LDLRAP1: variants seen among roughly 807,000 people sequenced by gnomAD.
LDLRAP1 encodes low density lipoprotein receptor adapter protein 1.
LDLRAP1 carries 30 observed loss-of-function variants against 37.8 expected under a neutral mutation model. That is an observed-to-expected ratio of 0.79 (90% CI 0.59 to 1.08). The LOEUF is 1.08. Ranked by LOEUF, LDLRAP1 falls within the 50% of genes least tolerant of loss-of-function variation. The pLI is 0.00. For synonymous variants in LDLRAP1, 156 were observed against 169.8 expected (o/e 0.92, Z 0.63); for missense variants, 375 against 401.6 (o/e 0.93, Z 0.57).
Position 25,555,408 on chromosome 1 carries a change from G to C in LDLRAP1, c.344+436G>C, listed in dbSNP as rs2044175257. On this transcript the variant is annotated intron_variant, in intron 3 of 8. Coordinates refer to ENST00000374338, the MANE Select transcript of LDLRAP1 (RefSeq NM_015627.3). This position sits in a 1 kb window ranked among gnomAD's most constrained non-coding sequence, Gnocchi z 4.7. ...AGCCAAGGTCTGAAGTCAGAGTATA[G>C]ATGGTCTCTCTAGTGGGTCCTCTGG... Among the ~76,000 whole-genome samples the C allele has an allele frequency of 6.6e-6, 1 of 152,170 alleles. No homozygotes were observed. The highest frequency in any genetic ancestry group is 2.4e-5 in the African/African-American group (1 of 41,428).
At chr1:25,543,854 C>G in intron 1 of LDLRAP1, 68 bp downstream of exon 1, 2 of 1,062,170 alleles carry the variant, frequency 1.9e-6, no homozygotes, top group Non-Finnish European at 2.4e-6. Context: ...TCCGCGGGCG[C>G]CCGGAGTGCG....
intron 1 of LDLRAP1, among the ~76,000 whole-genome samples, chr1:25,552,555 A>G (rs2044095638): frequency 6.6e-6 from 1 of 152,306 alleles, no homozygotes; most frequent in East Asian, 1.9e-4. Context: ...AGTCATAACA[A>G]ACACCTCCTA....
At chr1:25,582,471 G>A in the LDLRAP1 span, among the ~76,000 whole-genome samples, 1 of 151,846 alleles carries the variant, frequency 6.6e-6, no homozygotes, top group Non-Finnish European at 1.5e-5. Flanking sequence ...TGTAGTCCCA[G>A]CTACTCAGGA....
intron 8 of LDLRAP1, among the ~76,000 whole-genome samples, chr1:25,565,903 C>T (rs1378163962): frequency 2.6e-5 from 4 of 152,116 alleles, no homozygotes; most frequent in Admixed American, 6.5e-5. Flanking sequence ...TTGGAGTCAG[C>T]GATTTTTGGT....
intron 1 of LDLRAP1, among the ~76,000 whole-genome samples, chr1:25,550,883 C>T (rs1367495939): frequency 1.3e-5 from 2 of 152,098 alleles, no homozygotes; most frequent in Non-Finnish European, 2.9e-5. Flanking sequence ...AATGTTTTGA[C>T]AGCAGAGAGA....
rs1226723050 is a variant in LDLRAP1 at position 25,544,502 on chromosome 1, C to T, written c.88+716C>T. On this transcript the variant is annotated intron_variant, in intron 1 of 8. Transcript: ENST00000374338. The surrounding 1 kb of genome is among the most constrained non-coding windows in gnomAD (Gnocchi z 4.8). ...ACCTGTTTTCTCTCGCACCTTTCCC[C>T]TCGGGCTTCCAGAGTCCCTTGGGTG... 1.3e-5 allele frequency among the ~76,000 whole-genome samples: 2 copies of T among 152,202 alleles called. No homozygotes were observed. Among genetic ancestry groups the T allele is most frequent in the Non-Finnish European group, 2.9e-5 (2 of 68,032 alleles).
At position 25,557,165 on chromosome 1, in the gene LDLRAP1, C is replaced by T. The variant is rs1424003886; in HGVS notation, c.357C>T (p.Cys119=). ...ENVSIYRISY[C]TADKMHDKVF... ...CCTTGCCTTTCAGGATCTCCTATTG[C>T]ACAGCAGACAAGATGCACGACAAGG... is the stretch of plus-strand genomic sequence containing the variant. The change falls in exon 4 of 9, where the codon TGC becomes TGT. Residue 119 remains cysteine, a synonymous_variant. Transcript: ENST00000374338. The T allele has an allele frequency of 1.2e-6, 2 of 1,613,954 alleles. No individual in the cohort carries two copies. Among genetic ancestry groups the T allele is most frequent in the South Asian group, 1.1e-5 (1 of 91,076 alleles).
At chr1:25,586,295 A>G in the LDLRAP1 span, among the ~76,000 whole-genome samples, 1 of 152,096 alleles carries the variant, frequency 6.6e-6, no homozygotes. The surrounding 1 kb of genome is among the most constrained non-coding windows in gnomAD (Gnocchi z 4.3). Flanking sequence ...GGCTCTCATG[A>G]TAGGCTGGCT....
At chr1:25,585,838 T>C in the LDLRAP1 span, among the ~76,000 whole-genome samples, 7 of 152,192 alleles carry the variant, frequency 4.6e-5, no homozygotes, top group Admixed American at 3.9e-4. Context: ...GGAGGCCTGA[T>C]TGGCAAGAGA....
rs2044054782 is a variant in LDLRAP1 at position 25,550,797 on chromosome 1, G to C, written c.89-3125G>C. ...ACCAGTCTGTAAGGACGTGGTTAGA[G>C]GAGGGGAAGGGTCAGGCCAGGGAAG... On this transcript the variant is annotated intron_variant, in intron 1 of 8. Coordinates refer to ENST00000374338, the MANE Select transcript of LDLRAP1 (RefSeq NM_015627.3). Among the ~76,000 whole-genome samples the C allele has an allele frequency of 2.0e-5, 3 of 152,208 alleles. No individual in the cohort carries two copies. In the South Asian group the frequency reaches 6.2e-4, roughly 32 times the overall value.
the LDLRAP1 span, among the ~76,000 whole-genome samples, chr1:25,585,747 C>G: frequency 1.7e-3 from 257 of 152,326 alleles, no homozygotes; most frequent in Non-Finnish European, 2.7e-3. Flanking sequence ...CTACCCACCC[C>G]TTCTCCCTTT....
intron 1 of LDLRAP1, among the ~76,000 whole-genome samples, chr1:25,549,191 A>C (rs72873716): frequency 0.21 from 31,213 of 152,190 alleles, 7,636 homozygotes; most frequent in African/African-American, 0.59. Flanking sequence ...TCCTGAGGGG[A>C]TGAACCCATT....
intron 4 of LDLRAP1, 67 bp downstream of exon 4, chr1:25,557,334 G>C (rs1241421729): frequency 3.9e-6 from 5 of 1,272,440 alleles, no homozygotes; most frequent in Non-Finnish European, 5.7e-6. Flanking sequence ...TGGGTGGGGG[G>C]CTGTCTGGTG....
intron 7 of LDLRAP1, 137 bp from the exon 8 acceptor site, chr1:25,565,036 T>A (rs1361692866): frequency 1.1e-6 from 1 of 889,934 alleles, no homozygotes; most frequent in Non-Finnish European, 1.9e-6. Context: ...GAGGCCTGCC[T>A]GAGGCCGTGC....
At chr1:25,582,559 T>TG in the LDLRAP1 span, among the ~76,000 whole-genome samples, 53 of 149,456 alleles carry the variant, frequency 3.5e-4, 1 homozygote, top group South Asian at 3.7e-3. Context: ...CACTCCAGCC[T>TG]GGCGACAGAG....
chr1:25,556,558 AG>A (rs911119337), intron 3 of LDLRAP1, among the ~76,000 whole-genome samples: 1 of 152,138 alleles, frequency 6.6e-6, no homozygotes, highest in African/African-American at 2.4e-5. Flanking sequence ...ACCTCTGGGC[AG>A]GGGCATGGAT....
At chr1:25,548,555 G>A (rs1221356616) in intron 1 of LDLRAP1, among the ~76,000 whole-genome samples, 1 of 151,828 alleles carries the variant, frequency 6.6e-6, no homozygotes, top group Non-Finnish European at 1.5e-5. Context: ...TCACCATGTT[G>A]GCCAGGCTGT....
intron 8 of LDLRAP1, among the ~76,000 whole-genome samples, chr1:25,566,342 C>T (rs1372267684): frequency 6.6e-6 from 1 of 152,192 alleles, no homozygotes; most frequent in Non-Finnish European, 1.5e-5. Context: ...AAAAGCTCCT[C>T]GTAAACACCT....
chr1:25,565,221 C>T lies in LDLRAP1; in HGVS notation c.782+14C>T, dbSNP rs757106833. ...AGCGTTTTCGAGGTAATGCTAGCTTCCTGTGCTGGGTAGGGGGCCTGGTGT... is the reference window on the plus strand; with the variant it reads ...AGCGTTTTCGAGGTAATGCTAGCTTTCTGTGCTGGGTAGGGGGCCTGGTGT... On this transcript the variant is annotated intron_variant, in intron 8 of 8. Coordinates refer to ENST00000374338, the MANE Select transcript of LDLRAP1 (RefSeq NM_015627.3). 7 of 1,614,016 alleles carry T rather than the reference C, an allele frequency of 4.3e-6. No individual in the cohort carries two copies. Among genetic ancestry groups the T allele is most frequent in the Non-Finnish European group, 5.9e-6 (7 of 1,179,952 alleles).
Sources: gnomAD v4.1 joint callset for allele counts (sites outside exome capture counted in the v4.1 genomes callset) on GRCh38, gnomAD v4.1.1 for gene constraint, Gnocchi (gnomAD v3.1) non-coding constraint, MANE v1.5 for transcripts, NCBI Gene and HGNC (gene_info 2026-07-23, HGNC 2026-07-21) for gene names.